The following CEP97 variants were observed in gnomAD, a reference collection of about 807,000 sequenced individuals.
CEP97 encodes the protein centrosomal protein 97, also known as centrosomal protein of 97 kDa.
Under a neutral mutation model 73.1 loss-of-function variants are expected in CEP97, and 43 were observed. That is an observed-to-expected ratio of 0.59 (90% CI 0.46 to 0.76). The LOEUF (loss-of-function observed/expected upper bound fraction) is 0.76. Ranked by LOEUF, CEP97 falls within the 30% of genes least tolerant of loss-of-function variation. The pLI, the probability that CEP97 is intolerant of heterozygous loss-of-function variation, is 0.00. For missense variants in CEP97, 939 were observed against 1,014.0 expected (o/e 0.93, Z 1.00); for synonymous variants, 337 against 370.0 (o/e 0.91, Z 1.02).
intron 6 of CEP97, among the ~76,000 whole-genome samples, chr3:101,754,521 A>G (rs1244838491): frequency 1.3e-5 from 2 of 152,134 alleles, no homozygotes; most frequent in African/African-American, 4.8e-5. Flanking sequence ...GCAGCAGTAT[A>G]TTATTATGGC....
chr3:101,754,739 C>CT (rs1266716172), intron 6 of CEP97, among the ~76,000 whole-genome samples: 1 of 151,986 alleles, frequency 6.6e-6, no homozygotes, highest in Non-Finnish European at 1.5e-5. Flanking sequence ...TTCTTTCTTT[C>CT]TTTTGGTTGT....
At chr3:101,743,856 T>C (rs1938531517) in intron 6 of CEP97, among the ~76,000 whole-genome samples, 1 of 151,968 alleles carries the variant, frequency 6.6e-6, no homozygotes, top group Non-Finnish European at 1.5e-5. Context: ...ACAAAAAAAT[T>C]AGCTGGGTAT....
At chr3:101,730,972 T>G (rs969210765) in intron 4 of CEP97, among the ~76,000 whole-genome samples, 64 of 151,754 alleles carry the variant, frequency 4.2e-4, no homozygotes, top group Non-Finnish European at 7.1e-4. Flanking sequence ...TTTTTTTTTT[T>G]GCTGGAATAG....
intron 7 of CEP97, among the ~76,000 whole-genome samples, chr3:101,756,153 C>T (rs1249598731): frequency 1.4e-5 from 2 of 148,078 alleles, no homozygotes; most frequent in Non-Finnish European, 3.0e-5. Context: ...CTCCATCTCC[C>T]AGTTCAAATG....
intron 6 of CEP97, among the ~76,000 whole-genome samples, chr3:101,751,043 G>A (rs1273594308): frequency 6.6e-6 from 1 of 152,008 alleles, no homozygotes; most frequent in Non-Finnish European, 1.5e-5. Flanking sequence ...TTCTCTTGTG[G>A]GCATTTAGTG....
chr3:101,727,695 CAT>C (rs779699648), intron 3 of CEP97, among the ~76,000 whole-genome samples, 154 bp downstream of exon 3: 9 of 152,102 alleles, frequency 5.9e-5, no homozygotes, highest in Non-Finnish European at 8.8e-5. Flanking sequence ...CATTTTGAAA[CAT>C]ATAATATGAC....
chr3:101,733,972 A>G (rs1938199111), intron 6 of CEP97, among the ~76,000 whole-genome samples: 1 of 152,084 alleles, frequency 6.6e-6, no homozygotes. Context: ...AATTATAGGC[A>G]TGTGCCACCA....
rs143504892 is a variant in CEP97 at position 101,755,939 on chromosome 3, C to T, written c.893+345C>T. ...GTAGAGATGAGGTCTCACTTTGTTC[C>T]TCAGTCTGATTTTAAACTCTTGGCT... On this transcript the variant is annotated intron_variant, in intron 7 of 10. Transcript: ENST00000341893. 2.6e-3 allele frequency among the ~76,000 whole-genome samples: 396 copies of T among 152,268 alleles called. 4 individuals are homozygous for T. Among genetic ancestry groups the T allele is most frequent in the Non-Finnish European group, 3.7e-3 (254 of 68,020 alleles).
At chr3:101,732,773 A>G in intron 6 of CEP97, 119 bp downstream of exon 6, 1 of 787,094 alleles carries the variant, frequency 1.3e-6, no homozygotes, top group East Asian at 2.7e-5. Flanking sequence ...TAGTGCAGTC[A>G]TGTAGCAGAC....
chr3:101,741,235 C>A (rs1324278099), intron 6 of CEP97, among the ~76,000 whole-genome samples: 1 of 152,068 alleles, frequency 6.6e-6, no homozygotes, highest in Non-Finnish European at 1.5e-5. Flanking sequence ...TGAAATTGGA[C>A]CCCTTCCATA....
At chr3:101,742,988 T>C (rs1938505713) in intron 6 of CEP97, among the ~76,000 whole-genome samples, 1 of 152,170 alleles carries the variant, frequency 6.6e-6, no homozygotes, top group Non-Finnish European at 1.5e-5. Context: ...CTCACACTTG[T>C]AGTCCCATTA....
intron 6 of CEP97, among the ~76,000 whole-genome samples, chr3:101,748,129 CAAAAA>C (rs71625598): frequency 1.9e-5 from 1 of 53,896 alleles, no homozygotes; most frequent in South Asian, 9.5e-4. Flanking sequence ...GACCTTGTCT[CAAAAA>C]AAAAAAAAAA....
chr3:101,751,811 C>T (rs1466465742), intron 6 of CEP97, among the ~76,000 whole-genome samples: 1 of 152,052 alleles, frequency 6.6e-6, no homozygotes, highest in African/African-American at 2.4e-5. Context: ...TGTGTCTCTG[C>T]ACGTGAGATG....
Position 101,769,148 on chromosome 3 carries a change from A to C in CEP97, c.*3597A>C, listed in dbSNP as rs992345255. ...AATTTCAGGAAAATACAAGCTTGAG[A>C]TATTATACTATCTCCCTTGGTATTT... On this transcript the variant is annotated 3_prime_UTR_variant, in exon 11 of 11. Transcript: ENST00000341893. 6.6e-6 allele frequency: 1 copy of C among 152,088 alleles called. No individual in the cohort carries two copies. Among genetic ancestry groups the C allele is most frequent in the African/African-American group, 2.4e-5 (1 of 41,398 alleles). The allele number at this position is 152,088 out of a possible 1,614,324, so 9.4% of individuals were successfully genotyped here.
intron 6 of CEP97, among the ~76,000 whole-genome samples, chr3:101,747,725 C>A (rs1216370143): frequency 1.3e-5 from 2 of 149,496 alleles, no homozygotes; most frequent in Non-Finnish European, 3.0e-5. Flanking sequence ...AGAGACAGAG[C>A]AGGTTGTTTT....
intron 4 of CEP97, among the ~76,000 whole-genome samples, chr3:101,730,228 GTTTTTTTGTTTTGTTTTGTT>G (rs1302102818): frequency 1.7e-5 from 2 of 115,528 alleles, no homozygotes; most frequent in Non-Finnish European, 1.9e-5. Flanking sequence ...GGCCGAGTCT[GTTTTTTTGTTTTGTTTTGTT>G]TTGTTTTGTT....
Position 101,732,616 on chromosome 3 carries a change from C to T in CEP97, c.690C>T (p.Leu230=), listed in dbSNP as rs144895544. 1.5e-5 allele frequency: 25 copies of T among 1,614,016 alleles called. No homozygotes were observed. In the African/African-American group the frequency reaches 3.1e-4, roughly 20 times the overall value. ...RPYIVSWCLN[L]RVLDGYVISQ... is the part of the protein sequence containing the mutation. ...ACATCGTCAGCTGGTGCCTAAACCT[C>T]AGAGTCCTAGATGGATATGTGATTT... Residue 230 remains leucine (L), a synonymous_variant, in exon 6 of 11, where the codon CTC becomes CTT. Coordinates refer to ENST00000341893, the MANE Select transcript of CEP97 (RefSeq NM_024548.4).
intron 1 of CEP97, among the ~76,000 whole-genome samples, chr3:101,726,218 A>G (rs894059467): frequency 2.6e-5 from 4 of 152,208 alleles, no homozygotes; most frequent in African/African-American, 9.7e-5. Flanking sequence ...TTTAGGATAT[A>G]TTGGTAGTTA....
At chr3:101,755,727 A>C in intron 7 of CEP97, 133 bp downstream of exon 7, 1 of 818,706 alleles carries the variant, frequency 1.2e-6, no homozygotes, top group Non-Finnish European at 2.0e-6. Flanking sequence ...TTGTCACTGC[A>C]ACAGTTCCTG....
Sources: gnomAD v4.1 joint callset for allele counts (sites outside exome capture counted in the v4.1 genomes callset) on GRCh38, gnomAD v4.1.1 for gene constraint, MANE v1.5 for transcripts, NCBI Gene and HGNC (gene_info 2026-07-23, HGNC 2026-07-21) for gene names.